The following SEMA6A variants were observed in gnomAD, a reference collection of about 807,000 sequenced individuals.
The protein encoded by SEMA6A is semaphorin-6A.
SEMA6A carries 25 observed loss-of-function variants against 96.8 expected under a neutral mutation model. That is an observed-to-expected ratio of 0.26 (90% CI 0.19 to 0.36). The LOEUF is 0.36. Among genes scored for constraint, SEMA6A ranks in the 10% least tolerant of loss-of-function variants. The pLI is 1.00. For synonymous variants in SEMA6A, 612 were observed against 518.0 expected, an observed-to-expected ratio of 1.18 and a Z score of -2.46; for missense variants, 1,363 against 1,323.1, an observed-to-expected ratio of 1.03 and a Z score of -0.47.
intron 1 of SEMA6A, among the ~76,000 whole-genome samples, chr5:116,563,792 C>T (rs1760915180): frequency 1.3e-5 from 2 of 152,226 alleles, no homozygotes; most frequent in African/African-American, 4.8e-5. Context: ...GTTGTTTAAA[C>T]ATCTAGCCTA....
intron 1 of SEMA6A, chr5:116,562,799 A>G (rs1266979548): frequency 2.8e-6 from 2 of 726,202 alleles, no homozygotes; most frequent in Non-Finnish European, 5.2e-6. Flanking sequence ...TGCCCAGGAT[A>G]TGGCTCAGAG....
intron 2 of SEMA6A, among the ~76,000 whole-genome samples, chr5:116,504,533 G>T (rs1484332754): frequency 6.6e-6 from 1 of 152,164 alleles, no homozygotes; most frequent in Non-Finnish European, 1.5e-5. Flanking sequence ...CCAATACCCA[G>T]ATCATAGCGA....
At chr5:116,484,110 GA>G (rs1212287600) in intron 10 of SEMA6A, among the ~76,000 whole-genome samples, 1 of 150,586 alleles carries the variant, frequency 6.6e-6, no homozygotes. Context: ...ATTTGTTTTG[GA>G]ATTTCAGAAC....
chr5:116,444,726 G>A lies in SEMA6A; in HGVS notation c.*1887C>T, dbSNP rs187251713. The A allele has an allele frequency of 1.5e-4, 23 of 152,374 alleles. No individual in the cohort carries two copies. The highest frequency in any genetic ancestry group is 1.2e-3 in the East Asian group (6 of 5,184). 9.4% of individuals were successfully genotyped at this position (152,374 alleles called of 1,614,324 possible). On this transcript the variant is annotated 3_prime_UTR_variant, in exon 19 of 19. Coordinates refer to ENST00000343348, the MANE Select transcript of SEMA6A (RefSeq NM_020796.5). ...CGTTTTTGCAGCATCCATTGTGGTC[G>A]GCCTTGTACTTGGAGTTACTCGTTA...
intron 1 of SEMA6A, among the ~76,000 whole-genome samples, chr5:116,565,373 G>A (rs1760983151): frequency 6.6e-6 from 1 of 152,200 alleles, no homozygotes; most frequent in Non-Finnish European, 1.5e-5. Flanking sequence ...AACACTATGT[G>A]AGGCACTGAA....
rs1232145828 is a variant in SEMA6A at position 116,445,898 on chromosome 5, G to C, written c.*715C>G. 6.6e-6 allele frequency: 1 copy of C among 152,660 alleles called. No individual in the cohort carries two copies. The highest frequency in any genetic ancestry group is 1.5e-5 in the Non-Finnish European group (1 of 68,046). The allele number at this position is 152,660 out of a possible 1,614,324, so 9.5% of individuals were successfully genotyped here. ...AGAGTCCTTTCCTTAAGGAAAAAAA[G>C]GGTGAACAATAAATAAAGAGTTACT... On this transcript the variant is annotated 3_prime_UTR_variant, in exon 19 of 19. Transcript: ENST00000343348.
rs961954722 is a variant in SEMA6A, at chr5:116,473,811, C to T, written c.1709-718G>A. On this transcript the variant is annotated intron_variant, in intron 16 of 18. Transcript: ENST00000343348. Reference sequence around the variant, plus strand: ...GGTAGTTCATGCTTCAGCAGGAACACGGGGAGAGGAGAAGCCATGAGCAAA... The same window carrying T: ...GGTAGTTCATGCTTCAGCAGGAACATGGGGAGAGGAGAAGCCATGAGCAAA... Among the ~76,000 whole-genome samples, 9 of 152,196 alleles carry T rather than the reference C, an allele frequency of 5.9e-5. No individual in the cohort carries two copies. The South Asian group carries it at 1.2e-3, about 21-fold the overall frequency.
chr5:116,544,335 CTA>C (rs1760096544), intron 1 of SEMA6A, among the ~76,000 whole-genome samples: 2 of 130,048 alleles, frequency 1.5e-5, no homozygotes, highest in South Asian at 5.9e-4. Flanking sequence ...GTCACCTAGA[CTA>C]GAGTGTAGTA....
At chr5:116,523,017 T>G (rs1384577302) in intron 1 of SEMA6A, among the ~76,000 whole-genome samples, 1 of 152,174 alleles carries the variant, frequency 6.6e-6, no homozygotes, top group Non-Finnish European at 1.5e-5. Context: ...GAGGGCAGTG[T>G]GGAGAGGTGC....
chr5:116,516,516 T>C (rs1039556968), intron 1 of SEMA6A, among the ~76,000 whole-genome samples: 26 of 152,268 alleles, frequency 1.7e-4, no homozygotes, highest in Middle Eastern at 6.8e-3. Flanking sequence ...ATTACTAATA[T>C]CTTTATTGGC....
At chr5:116,477,326 C>T (rs781399222) in intron 15 of SEMA6A, among the ~76,000 whole-genome samples, 30 of 152,184 alleles carry the variant, frequency 2.0e-4, no homozygotes, top group Non-Finnish European at 3.7e-4. Context: ...AATTGATTGA[C>T]GGCCTGATGA....
chr5:116,516,316 C>A (rs1027209657), intron 1 of SEMA6A, among the ~76,000 whole-genome samples: 3 of 152,046 alleles, frequency 2.0e-5, no homozygotes, highest in Non-Finnish European at 4.4e-5. Flanking sequence ...CCAGACACAT[C>A]GAGAACAGAC....
intron 1 of SEMA6A, among the ~76,000 whole-genome samples, chr5:116,554,129 C>G (rs1760519272): frequency 6.6e-6 from 1 of 152,088 alleles, no homozygotes; most frequent in Non-Finnish European, 1.5e-5. Context: ...GTGTTTTAAA[C>G]CATGCATTGT....
At chr5:116,481,511 G>C (rs955089649) in intron 11 of SEMA6A, among the ~76,000 whole-genome samples, 2 of 152,178 alleles carry the variant, frequency 1.3e-5, no homozygotes, top group Non-Finnish European at 2.9e-5. Flanking sequence ...TATTATCTAA[G>C]TTAGTTCATG....
chr5:116,540,800 G>C (rs987634988), intron 1 of SEMA6A, among the ~76,000 whole-genome samples: 4 of 152,056 alleles, frequency 2.6e-5, no homozygotes, highest in African/African-American at 9.7e-5. Flanking sequence ...CATCTAACTG[G>C]CACCAATACC....
At chr5:116,567,204 A>G (rs1761056419) in intron 1 of SEMA6A, among the ~76,000 whole-genome samples, 1 of 152,070 alleles carries the variant, frequency 6.6e-6, no homozygotes, top group Non-Finnish European at 1.5e-5. Flanking sequence ...TGATATTTCA[A>G]ATTCCAAAGT....
chr5:116,505,259 A>C (rs1218179582), intron 1 of SEMA6A, among the ~76,000 whole-genome samples: 1 of 152,170 alleles, frequency 6.6e-6, no homozygotes, highest in East Asian at 1.9e-4. Context: ...ATAGATGGCT[A>C]TTTCACAGTC....
chr5:116,546,283 A>G (rs994714835), intron 1 of SEMA6A, among the ~76,000 whole-genome samples: 10 of 152,250 alleles, frequency 6.6e-5, no homozygotes, highest in Non-Finnish European at 1.3e-4. Context: ...GGTCCATGTA[A>G]TGACTTCCCT....
intron 3 of SEMA6A, among the ~76,000 whole-genome samples, chr5:116,499,717 T>C (rs1446519462): frequency 6.6e-6 from 1 of 152,248 alleles, no homozygotes; most frequent in Non-Finnish European, 1.5e-5. Flanking sequence ...AAGATGAGCT[T>C]ATTTGATAGT....
Sources: gnomAD v4.1 joint callset for allele counts (sites outside exome capture counted in the v4.1 genomes callset) on GRCh38, gnomAD v4.1.1 for gene constraint, MANE v1.5 for transcripts, NCBI Gene and HGNC (gene_info 2026-07-23, HGNC 2026-07-21) for gene names.